NRP2: variants seen among roughly 807,000 people sequenced by gnomAD.
The protein encoded by NRP2 is neuropilin-2.
A neutral mutation model predicts 110.4 loss-of-function variants in NRP2; 52 were observed. The observed-to-expected ratio is 0.47, with a 90% CI of 0.38 to 0.59. The LOEUF (loss-of-function observed/expected upper bound fraction) is 0.59, where lower values mean the gene tolerates loss of function less well. Ranked by LOEUF, NRP2 falls within the 20% of genes least tolerant of loss-of-function variation. The pLI, the probability that NRP2 is intolerant of heterozygous loss-of-function variation, is 0.00. For synonymous variants in NRP2, 508 were observed against 468.9 expected (o/e 1.08, Z -1.08); for missense variants, 1,049 against 1,203.0 (o/e 0.87, Z 1.89).
At chr2:205,782,092 A>C (rs967991605) in intron 15 of NRP2, among the ~76,000 whole-genome samples, 4 of 152,190 alleles carry the variant, frequency 2.6e-5, no homozygotes, top group Non-Finnish European at 5.9e-5. Context: ...GGTATGGAAC[A>C]GTGGAGAATC....
At chr2:205,712,404 A>G (rs929620219) in intron 2 of NRP2, among the ~76,000 whole-genome samples, 3 of 152,238 alleles carry the variant, frequency 2.0e-5, no homozygotes, top group Non-Finnish European at 4.4e-5. Context: ...TAAGAGGAGC[A>G]GCTTTTCAAG....
In NRP2 at chr2:205,795,040, G is replaced by T; in HGVS notation, c.2763G>T (p.Lys921Asn). The T allele has an allele frequency of 6.2e-7, 1 of 1,614,150 alleles. No homozygotes were observed. The highest frequency in any genetic ancestry group is 1.6e-4 in the Middle Eastern group (1 of 6,062). The change falls in exon 17 of 17, where the codon AAG (lysine) becomes AAT (asparagine). Residue 921 changes from lysine (K) to asparagine (N), a missense_variant. Transcript: ENST00000357785. ...LKHKVKMNHQKCCSEA is the reference protein window; with the variant it reads ...LKHKVKMNHQNCCSEA ...ACAAGGTCAAGATGAACCACCAAAA[G>T]TGCTGCTCCGAGGCATGACGGATTG...
At chr2:205,743,612 C>T (rs759619361) in intron 9 of NRP2, 60 bp downstream of exon 9, 37 of 1,590,662 alleles carry the variant, frequency 2.3e-5, no homozygotes, top group Middle Eastern at 3.5e-4. Context: ...AAGTGTGGTA[C>T]AGGGAGTTGA....
At chr2:205,772,901 A>G (rs892774871) in intron 15 of NRP2, among the ~76,000 whole-genome samples, 5 of 152,228 alleles carry the variant, frequency 3.3e-5, no homozygotes, top group African/African-American at 1.2e-4. Context: ...CAAAATCTCT[A>G]GCACTTTCTG....
chr2:205,692,376 G>C (rs757715065), intron 1 of NRP2, among the ~76,000 whole-genome samples: 22 of 152,164 alleles, frequency 1.4e-4, no homozygotes, highest in Non-Finnish European at 2.8e-4. Flanking sequence ...GGCTGAAGTT[G>C]CTTTGAATAA....
chr2:205,708,680 A>C (rs1238978241), intron 2 of NRP2, among the ~76,000 whole-genome samples: 1 of 152,072 alleles, frequency 6.6e-6, no homozygotes, highest in Non-Finnish European at 1.5e-5. Context: ...TCTTGCCTTC[A>C]AGGTTTTTTG....
intron 8 of NRP2, 50 bp from the exon 9 acceptor site, chr2:205,743,153 G>A: frequency 6.2e-7 from 1 of 1,602,362 alleles, no homozygotes; most frequent in Non-Finnish European, 8.5e-7. Flanking sequence ...GTGGTCCCTG[G>A]TTAGCAGGTG....
chr2:205,738,841 T>G (rs546032115), intron 7 of NRP2, among the ~76,000 whole-genome samples: 238 of 152,300 alleles, frequency 1.6e-3, no homozygotes, highest in African/African-American at 5.4e-3. Context: ...ACCAGATCAA[T>G]GGTTTAAACT....
chr2:205,752,485 G>A (rs2057664548), intron 11 of NRP2: 2 of 345,624 alleles, frequency 5.8e-6, no homozygotes, highest in South Asian at 4.8e-5. Flanking sequence ...CCAGGGCACT[G>A]GGGAGACATT....
intron 9 of NRP2, 95 bp from the exon 10 acceptor site, chr2:205,745,651 C>A (rs553917828): frequency 6.9e-7 from 1 of 1,441,522 alleles, no homozygotes; most frequent in East Asian, 2.3e-5. Context: ...CCTAGCAGGA[C>A]GTGCGGGGCA....
intron 3 of NRP2, among the ~76,000 whole-genome samples, chr2:205,719,209 G>C (rs1012171123): frequency 6.6e-6 from 1 of 152,160 alleles, no homozygotes; most frequent in African/African-American, 2.4e-5. Flanking sequence ...GGGGGAAACT[G>C]TAAACACAGA....
intron 1 of NRP2, among the ~76,000 whole-genome samples, chr2:205,696,020 CT>C (rs1008719940): frequency 9.2e-5 from 14 of 152,128 alleles, no homozygotes; most frequent in Non-Finnish European, 1.6e-4. Context: ...GAAACGGCTG[CT>C]TTTGTTTTCC....
intron 15 of NRP2, among the ~76,000 whole-genome samples, chr2:205,780,903 T>G (rs2058166553): frequency 6.6e-6 from 1 of 152,186 alleles, no homozygotes; most frequent in African/African-American, 2.4e-5. Flanking sequence ...AAGTAGAATG[T>G]CAGTGATCAG....
intron 15 of NRP2, chr2:205,778,193 G>A (rs891155049): frequency 1.3e-5 from 2 of 151,718 alleles, no homozygotes; most frequent in Non-Finnish European, 2.9e-5. Flanking sequence ...AAGCCTCCAG[G>A]TTCCTTCTGA....
At chr2:205,695,374 T>C (rs2056402177) in intron 1 of NRP2, among the ~76,000 whole-genome samples, 1 of 152,228 alleles carries the variant, frequency 6.6e-6, no homozygotes, top group Non-Finnish European at 1.5e-5. Flanking sequence ...AAGTTTCCTG[T>C]CTTTATTGCT....
intron 2 of NRP2, among the ~76,000 whole-genome samples, chr2:205,712,042 T>C (rs570720573): frequency 6.6e-6 from 1 of 152,298 alleles, no homozygotes; most frequent in Admixed American, 6.5e-5. Context: ...ACTGTCAAAA[T>C]TTCCCATGGC....
In NRP2 at chr2:205,743,323, G is replaced by T; in HGVS notation, c.1412G>T (p.Arg471Leu). Residue 471 changes from arginine to leucine, a missense_variant, in exon 9 of 17, where the codon CGC (arginine) becomes CTC (leucine). Arg to Leu is a moderately radical substitution (Grantham distance 102, BLOSUM62 -2). Transcript: ENST00000357785. Reference protein sequence around the residue: ...SPSAARLVSSRSGWFPRIPQA... With the variant: ...SPSAARLVSSLSGWFPRIPQA... ...AGTGCAGCCCGCCTGGTTAGCAGCC[G>T]CTCGGGCTGGTTCCCTCGAATCCCT... 1 of 1,614,136 alleles carries T rather than the reference G, an allele frequency of 6.2e-7. No individual in the cohort carries two copies. Among genetic ancestry groups the T allele is most frequent in the Non-Finnish European group, 8.5e-7 (1 of 1,179,980 alleles).
rs750219379 is a variant in NRP2, at chr2:205,725,897, C to T, written c.821-16C>T. 1.5e-5 allele frequency: 25 copies of T among 1,613,456 alleles called. No homozygotes were observed. The highest frequency in any genetic ancestry group is 2.2e-5 in the East Asian group (1 of 44,892). On this transcript the variant is annotated splice_polypyrimidine_tract_variant and intron_variant, in intron 5 of 16. Coordinates refer to ENST00000357785, the MANE Select transcript of NRP2 (RefSeq NM_003872.3). This position sits in a 1 kb window ranked among gnomAD's most constrained non-coding sequence, Gnocchi z 4.1. ...GTTGGAAGGCCTAACTGCATTTGACCGTCTGCTTTCCCCAGACTTTCAGTG... is the reference window on the plus strand; with the variant it reads ...GTTGGAAGGCCTAACTGCATTTGACTGTCTGCTTTCCCCAGACTTTCAGTG...
chr2:205,793,579 G>T (rs895062162), intron 16 of NRP2, among the ~76,000 whole-genome samples: 2 of 152,124 alleles, frequency 1.3e-5, no homozygotes, highest in African/African-American at 4.8e-5. Flanking sequence ...GACAGGGTTG[G>T]TTCCTTCTGA....
Sources: gnomAD v4.1 joint callset for allele counts (sites outside exome capture counted in the v4.1 genomes callset) on GRCh38, gnomAD v4.1.1 for gene constraint, Gnocchi (gnomAD v3.1) non-coding constraint, MANE v1.5 for transcripts, NCBI Gene and HGNC (gene_info 2026-07-23, HGNC 2026-07-21) for gene names.